Variants in RGS7 observed in about 807,000 individuals in gnomAD.
RGS7 encodes regulator of G-protein signaling 7.
A neutral mutation model predicts 81.1 loss-of-function variants in RGS7; 27 were observed. The ratio of observed to expected loss-of-function variants is 0.33; its 90% CI spans 0.25 to 0.46. The LOEUF (loss-of-function observed/expected upper bound fraction) is 0.46, where lower values mean the gene tolerates loss of function less well. Among genes scored for constraint, RGS7 ranks in the 20% least tolerant of loss-of-function variants. The probability of loss-of-function intolerance (pLI) is 1.00; values close to 1 mark genes in which losing one functional copy is unlikely to be tolerated. For synonymous variants in RGS7, 208 were observed against 207.7 expected (o/e 1.00, Z -0.01); for missense variants, 396 against 607.4 (o/e 0.65, Z 3.66).
chr1:241,221,092 A>AAAGGAAGG (rs141939771), intron 2 of RGS7, among the ~76,000 whole-genome samples: 3 of 138,578 alleles, frequency 2.2e-5, no homozygotes, highest in Admixed American at 1.5e-4. Context: ...AGGAAGGAAG[A>AAAGGAAGG]AAGGAAGGAA....
chr1:240,792,965 TATC>T (rs1686264508), intron 18 of RGS7, among the ~76,000 whole-genome samples: 1 of 152,142 alleles, frequency 6.6e-6, no homozygotes, highest in South Asian at 2.1e-4. Flanking sequence ...TTTGTAAACT[TATC>T]ATACAGAGCC....
At position 240,816,392 on chromosome 1, in the gene RGS7, A is replaced by T; in HGVS notation, c.708T>A (p.Asp236Glu). Residue 236 changes from aspartate (D) to glutamate (E), a missense_variant, in exon 11 of 19, where the codon GAT becomes GAA. Asp to Glu is a conservative substitution (Grantham distance 45). Coordinates refer to ENST00000440928, the MANE Select transcript of RGS7 (RefSeq NM_001364886.1). The stretch of plus-strand genomic sequence containing the variant: ...TGTGGGTAGGACTGTGACTTCTAAT[A>T]TCATTTTGTAAACCATAGACAGACT... ...TRKSVYGLQN[D>E]IRSHSPTHTP... 6.2e-7 allele frequency: 1 copy of T among 1,605,998 alleles called. No homozygotes were observed. Among genetic ancestry groups the T allele is most frequent in the Non-Finnish European group, 8.5e-7 (1 of 1,172,680 alleles).
intron 3 of RGS7, among the ~76,000 whole-genome samples, chr1:241,059,873 A>T (rs943905657): frequency 7.0e-6 from 1 of 143,614 alleles, no homozygotes; most frequent in Non-Finnish European, 1.5e-5. Context: ...ATGTTCTTTT[A>T]TACAGTAAAT....
intron 2 of RGS7, among the ~76,000 whole-genome samples, chr1:241,143,453 G>A (rs373257047): frequency 7.9e-5 from 12 of 152,288 alleles, no homozygotes; most frequent in East Asian, 3.9e-4. Flanking sequence ...AGCAAGTCAT[G>A]TCTTACATGG....
chr1:240,996,925 A>G (rs191347479), intron 3 of RGS7, among the ~76,000 whole-genome samples: 1 of 151,228 alleles, frequency 6.6e-6, no homozygotes, highest in East Asian at 2.0e-4. Flanking sequence ...AATATTTTTT[A>G]AAATCCATTT....
At chr1:241,065,625 T>G (rs1013235055) in intron 3 of RGS7, among the ~76,000 whole-genome samples, 17 of 152,248 alleles carry the variant, frequency 1.1e-4, no homozygotes, top group Non-Finnish European at 1.8e-4. Flanking sequence ...GTGAAATTAA[T>G]GCTCAAAATA....
intron 2 of RGS7, among the ~76,000 whole-genome samples, chr1:241,104,557 T>C (rs1293211545): frequency 6.6e-6 from 1 of 152,256 alleles, no homozygotes; most frequent in Non-Finnish European, 1.5e-5. Flanking sequence ...CATCTTTTCT[T>C]GACAAATTTG....
chr1:240,811,854 A>G lies in RGS7; in HGVS notation c.1082+64T>C, dbSNP rs573562264. ...AAGAATAATTGATCTATTACCTCCA[A>G]AATAACCAGACACATCACAGACAGT... On this transcript the variant is annotated intron_variant, in intron 14 of 18. Coordinates refer to ENST00000440928, the MANE Select transcript of RGS7 (RefSeq NM_001364886.1). 17 of 1,412,242 alleles carry G rather than the reference A, an allele frequency of 1.2e-5. No individual in the cohort carries two copies. In the South Asian group the frequency reaches 1.9e-4, roughly 16 times the overall value. 87.5% of individuals were successfully genotyped at this position (1,412,242 alleles called of 1,614,324 possible).
intron 2 of RGS7, chr1:241,305,736 T>A: frequency 5.0e-6 from 1 of 200,314 alleles, no homozygotes; most frequent in Non-Finnish European, 1.0e-5. Context: ...AGCACACCGC[T>A]CTATGGGACA....
intron 2 of RGS7, among the ~76,000 whole-genome samples, chr1:241,107,637 C>T (rs1344238647): frequency 6.6e-6 from 1 of 152,214 alleles, no homozygotes; most frequent in African/African-American, 2.4e-5. Context: ...CTTGGATGCA[C>T]TAACCCCATT....
chr1:241,103,420 C>T (rs891253952), intron 2 of RGS7, among the ~76,000 whole-genome samples: 6 of 152,104 alleles, frequency 3.9e-5, no homozygotes, highest in African/African-American at 1.4e-4. Context: ...ATTTTCTTTA[C>T]TCTTAAGAAG....
chr1:240,996,825 T>C (rs1687364153), intron 3 of RGS7, among the ~76,000 whole-genome samples: 1 of 152,246 alleles, frequency 6.6e-6, no homozygotes, highest in Non-Finnish European at 1.5e-5. Flanking sequence ...TGTGATGGTA[T>C]ATTTAATGTA....
chr1:240,834,576 C>T (rs1397338967), intron 9 of RGS7, among the ~76,000 whole-genome samples: 7 of 152,152 alleles, frequency 4.6e-5, no homozygotes, highest in Non-Finnish European at 8.8e-5. Context: ...AGGGGCGTGA[C>T]CTCGGCTCAC....
At chr1:241,063,873 G>A (rs112441744) in intron 3 of RGS7, among the ~76,000 whole-genome samples, 1,585 of 152,160 alleles carry the variant, frequency 0.01, 24 homozygotes, top group African/African-American at 0.036. Flanking sequence ...GGAAACTAAC[G>A]ACACTGCCAC....
intron 2 of RGS7, among the ~76,000 whole-genome samples, chr1:241,319,814 C>T (rs749754912): frequency 2.0e-5 from 3 of 151,988 alleles, no homozygotes; most frequent in South Asian, 2.1e-4. Context: ...GTTCGAAGGC[C>T]GGGCGCAGTG....
rs2148494426 is a variant in RGS7, at chr1:240,967,147, T to G, written c.226+15932A>C. The stretch of plus-strand genomic sequence containing the variant: ...CATGTCAAGATATCCTTGGAAGTGG[T>G]CAATCTTAAATTGTTCTTGAGGTCA... On this transcript the variant is annotated intron_variant, in intron 4 of 18. Transcript: ENST00000440928. Among the ~76,000 whole-genome samples the G allele has an allele frequency of 2.0e-5, 3 of 152,306 alleles. No homozygotes were observed. The Middle Eastern group carries it at 0.01, about 518-fold the overall frequency.
intron 4 of RGS7, among the ~76,000 whole-genome samples, chr1:240,966,456 A>G (rs1361655791): frequency 6.6e-6 from 1 of 151,962 alleles, no homozygotes; most frequent in Non-Finnish European, 1.5e-5. Context: ...TTTTCTCTTT[A>G]TGATTTGTAC....
At chr1:240,837,286 A>G (rs746501897) in intron 9 of RGS7, among the ~76,000 whole-genome samples, 1 of 152,236 alleles carries the variant, frequency 6.6e-6, no homozygotes, top group Non-Finnish European at 1.5e-5. Context: ...CTGTGCGCAC[A>G]TGAGCGATTG....
At chr1:241,228,870 A>C (rs1421137090) in intron 2 of RGS7, among the ~76,000 whole-genome samples, 1 of 152,192 alleles carries the variant, frequency 6.6e-6, no homozygotes, top group Non-Finnish European at 1.5e-5. Context: ...AATATGAATA[A>C]AACAATGAAA....
Sources: gnomAD v4.1 joint callset for allele counts (sites outside exome capture counted in the v4.1 genomes callset) on GRCh38, gnomAD v4.1.1 for gene constraint, MANE v1.5 for transcripts, NCBI Gene and HGNC (gene_info 2026-07-23, HGNC 2026-07-21) for gene names.